Variants in NSD3 observed in about 807,000 individuals in gnomAD.
NSD3 encodes histone-lysine N-methyltransferase NSD3.
In NSD3, 24 loss-of-function variants were observed where a neutral mutation model predicts 160.8. The ratio of observed to expected loss-of-function variants is 0.15; its 90% confidence interval spans 0.11 to 0.21. The LOEUF (loss-of-function observed/expected upper bound fraction) is 0.21, where lower values mean the gene tolerates loss of function less well. Ranked by LOEUF, NSD3 falls within the 10% of genes least tolerant of loss-of-function variation. The pLI is 1.00. For missense variants in NSD3, 1,157 were observed against 1,735.9 expected (o/e 0.67, Z 5.93); for synonymous variants, 520 against 600.0 (o/e 0.87, Z 1.95).
intron 1 of NSD3, among the ~76,000 whole-genome samples, chr8:38,366,330 G>T (rs1211434732): frequency 6.6e-6 from 1 of 151,408 alleles, no homozygotes; most frequent in East Asian, 1.9e-4. Flanking sequence ...CTGGAAAAAT[G>T]AGATTTTAAA....
At chr8:38,285,708 AAAGT>A (rs1216730020) in intron 19 of NSD3, among the ~76,000 whole-genome samples, 1 of 152,256 alleles carries the variant, frequency 6.6e-6, no homozygotes, top group Non-Finnish European at 1.5e-5. Flanking sequence ...GCATGGCACT[AAAGT>A]AATATAAAAC....
chr8:38,369,857 C>G (rs570589776), intron 1 of NSD3, among the ~76,000 whole-genome samples: 2 of 151,868 alleles, frequency 1.3e-5, no homozygotes, highest in African/African-American at 4.8e-5. Flanking sequence ...TGCAGTGGCA[C>G]GATCTCAGCT....
chr8:38,290,721 C>T lies in NSD3; in HGVS notation c.2916-44G>A, dbSNP rs138878163. The T allele has an allele frequency of 2.2e-4, 343 of 1,588,288 alleles. 1 individual carries two copies. The African/African-American group carries it at 4.1e-3, about 19-fold the overall frequency. On this transcript the variant is annotated intron_variant, in intron 16 of 23. Coordinates refer to ENST00000317025, the MANE Select transcript of NSD3 (RefSeq NM_023034.2). ...TTAGATCAAGAGGGCAAAAACGAAA[C>T]AAAAAACCACTATTTACAAGATTGG...
intron 22 of NSD3, 93 bp downstream of exon 22, chr8:38,278,213 C>T (rs922073056): frequency 4.0e-5 from 43 of 1,084,180 alleles, no homozygotes; most frequent in Non-Finnish European, 5.1e-5. Context: ...GCTGGGATTA[C>T]AGGCATGAGC....
At chr8:38,328,451 T>C (rs544408571) in intron 6 of NSD3, among the ~76,000 whole-genome samples, 1 of 152,314 alleles carries the variant, frequency 6.6e-6, no homozygotes, top group East Asian at 1.9e-4. Context: ...GGGACTGCAA[T>C]TCAAGTTTTT....
In NSD3 at chr8:38,288,869, G is replaced by C; in HGVS notation, c.3232-113C>G. On this transcript the variant is annotated intron_variant, in intron 18 of 23. Transcript: ENST00000317025. The surrounding 1 kb of genome is among the most constrained non-coding windows in gnomAD (Gnocchi z 4.5). ...GCCTCGTGGTGCTACTCCGAGAAAGGTTGTCTTTCCTGATGAATAAGCTGA... is the reference window on the plus strand; with the variant it reads ...GCCTCGTGGTGCTACTCCGAGAAAGCTTGTCTTTCCTGATGAATAAGCTGA... 7.4e-7 allele frequency: 1 copy of C among 1,355,772 alleles called. No homozygotes were observed. Among genetic ancestry groups the C allele is most frequent in the African/African-American group, 1.5e-5 (1 of 68,666 alleles). 84.0% of individuals were successfully genotyped at this position (1,355,772 alleles called of 1,614,324 possible).
At chr8:38,349,835 CT>C (rs1487859438) in intron 1 of NSD3, among the ~76,000 whole-genome samples, 1 of 151,666 alleles carries the variant, frequency 6.6e-6, no homozygotes, top group Non-Finnish European at 1.5e-5. Context: ...TCCCTCCCCC[CT>C]TTCCCCACCC....
chr8:38,290,004 C>A (rs1808962777), intron 17 of NSD3, among the ~76,000 whole-genome samples: 1 of 151,992 alleles, frequency 6.6e-6, no homozygotes, highest in African/African-American at 2.4e-5. Flanking sequence ...TCGCTTGAAC[C>A]CAGGAGTTCA....
rs1376200162 is a variant in NSD3 at position 38,329,568 on chromosome 8, G to A, written c.1391C>T (p.Pro464Leu). ...RHTSAEEEEPPPVKIAWKTAA... is the reference protein window; with the variant it reads ...RHTSAEEEEPLPVKIAWKTAA... ...AGTTTTCCAGGCTATTTTAACAGGCGGTGGCTCTTCCTCTTCCGCACTTGT... is the reference window on the plus strand; with the variant it reads ...AGTTTTCCAGGCTATTTTAACAGGCAGTGGCTCTTCCTCTTCCGCACTTGT... The change falls in exon 6 of 24, where the codon CCG (proline) becomes CTG (leucine). Residue 464 changes from proline to leucine, a missense_variant. Coordinates refer to ENST00000317025, the MANE Select transcript of NSD3 (RefSeq NM_023034.2). The surrounding 1 kb of genome is among the most constrained non-coding windows in gnomAD (Gnocchi z 4.8). 10 of 1,614,140 alleles carry A rather than the reference G, an allele frequency of 6.2e-6. No individual in the cohort carries two copies. The highest frequency in any genetic ancestry group is 2.2e-5 in the East Asian group (1 of 44,882).
rs190382724 is a variant in NSD3, at chr8:38,346,497, T to G, written c.675+1000A>C. Among the ~76,000 whole-genome samples the G allele has an allele frequency of 1.7e-3, 261 of 151,460 alleles. 1 individual carries two copies. The highest frequency in any genetic ancestry group is 5.9e-3 in the African/African-American group (245 of 41,420). On this transcript the variant is annotated intron_variant, in intron 2 of 23. Transcript: ENST00000317025. ...CATCCTGAGAGCAGGCATCTCTACT[T>G]TTCATTCATTGTCATACCTTTAAGT...
chr8:38,315,407 C>T lies in NSD3; in HGVS notation c.2115+9G>A. 6.4e-7 allele frequency: 1 copy of T among 1,553,416 alleles called. No individual in the cohort carries two copies. ...TTATTTCAAGCCATAGCACCAGTTA[C>T]CTGCCTACCTGACATACAGTGTCCT... On this transcript the variant is annotated intron_variant, in intron 11 of 23. Transcript: ENST00000317025.
chr8:38,380,712 A>T (rs1811520916), intron 1 of NSD3: 1 of 152,230 alleles, frequency 6.6e-6, no homozygotes, highest in African/African-American at 2.4e-5. Flanking sequence ...TGAATAATTT[A>T]AAATGACCCA....
intron 1 of NSD3, among the ~76,000 whole-genome samples, chr8:38,378,976 G>A (rs772177211): frequency 1.3e-5 from 2 of 152,192 alleles, no homozygotes; most frequent in Middle Eastern, 3.4e-3. Context: ...TTCCAGAAAC[G>A]CTGTCATTAG....
At chr8:38,278,621 C>T (rs901497135) in intron 21 of NSD3, among the ~76,000 whole-genome samples, 3 of 152,322 alleles carry the variant, frequency 2.0e-5, no homozygotes, top group Middle Eastern at 3.4e-3. Context: ...CAAAACTACA[C>T]ATCCTCAAAA....
chr8:38,364,690 G>A (rs1210140931), intron 1 of NSD3, among the ~76,000 whole-genome samples: 1 of 152,084 alleles, frequency 6.6e-6, no homozygotes, highest in Admixed American at 6.5e-5. Context: ...TGAATTTTGT[G>A]GCTGATTTTC....
intron 10 of NSD3, 33 bp downstream of exon 10, chr8:38,315,879 G>A: frequency 6.3e-7 from 1 of 1,592,440 alleles, no homozygotes; most frequent in South Asian, 1.1e-5. Flanking sequence ...GTTCAAGAAA[G>A]AACACTTTGT....
intron 4 of NSD3, among the ~76,000 whole-genome samples, chr8:38,334,171 T>TA (rs2150377380): frequency 6.6e-6 from 1 of 152,336 alleles, no homozygotes; most frequent in South Asian, 2.1e-4. Flanking sequence ...CTATACTATA[T>TA]AGCCATAAAT....
chr8:38,294,744 G>A (rs1308142728), intron 16 of NSD3, among the ~76,000 whole-genome samples: 2 of 152,046 alleles, frequency 1.3e-5, no homozygotes, highest in Non-Finnish European at 2.9e-5. Flanking sequence ...TTGGGAGGCT[G>A]AGGCAGGAGG....
At chr8:38,279,756 ACAGGCAGCAG>A in intron 20 of NSD3, 75 bp from the exon 21 acceptor site, 2 of 1,506,710 alleles carry the variant, frequency 1.3e-6, no homozygotes, top group Non-Finnish European at 1.8e-6. Context: ...GTCAAGGATC[ACAGGCAGCAG>A]CATTTTGCTA....
Sources: gnomAD v4.1 joint callset for allele counts (sites outside exome capture counted in the v4.1 genomes callset) on GRCh38, gnomAD v4.1.1 for gene constraint, Gnocchi (gnomAD v3.1) non-coding constraint, MANE v1.5 for transcripts, NCBI Gene and HGNC (gene_info 2026-07-23, HGNC 2026-07-21) for gene names.